EPB41L2: variants seen among roughly 807,000 people sequenced by gnomAD.
EPB41L2 encodes the protein erythrocyte membrane protein band 4.1 like 2, also known as band 4.1-like protein 2.
A neutral mutation model predicts 113.0 loss-of-function variants in EPB41L2; 43 were observed. The ratio of observed to expected loss-of-function variants is 0.38; its 90% CI spans 0.30 to 0.49. EPB41L2 has a LOEUF of 0.49. EPB41L2 is among the 20% of genes least tolerant of loss of function. The pLI, the probability that EPB41L2 is intolerant of heterozygous loss-of-function variation, is 0.95. For synonymous variants in EPB41L2, 442 were observed against 436.7 expected, an observed-to-expected ratio of 1.01 and a Z score of -0.15; for missense variants, 1,147 against 1,223.4, an observed-to-expected ratio of 0.94 and a Z score of 0.93.
intron 1 of EPB41L2, among the ~76,000 whole-genome samples, chr6:131,011,163 G>A (rs1786862357): frequency 1.3e-5 from 2 of 152,210 alleles, no homozygotes; most frequent in Non-Finnish European, 2.9e-5. Context: ...CAGGGAGTAA[G>A]TGCATAATCA....
chr6:131,033,208 C>T (rs1315778274), intron 1 of EPB41L2, among the ~76,000 whole-genome samples: 1 of 149,956 alleles, frequency 6.7e-6, no homozygotes, highest in Admixed American at 6.7e-5. Context: ...AAAAAAGAGA[C>T]AGAGAAAGAC....
intron 1 of EPB41L2, among the ~76,000 whole-genome samples, chr6:131,022,699 C>T (rs905037398): frequency 1.2e-4 from 18 of 152,166 alleles, no homozygotes; most frequent in African/African-American, 2.9e-4. Context: ...AAACTGTGCT[C>T]GCTGCTATCA....
chr6:130,928,201 T>C (rs567221824), intron 3 of EPB41L2, among the ~76,000 whole-genome samples: 2 of 149,768 alleles, frequency 1.3e-5, no homozygotes, highest in East Asian at 3.9e-4. Flanking sequence ...TGAGCATGTT[T>C]AAGATAGATA....
chr6:130,977,764 C>T (rs145215332), intron 1 of EPB41L2, among the ~76,000 whole-genome samples: 201 of 152,286 alleles, frequency 1.3e-3, no homozygotes, highest in Admixed American at 2.1e-3. Context: ...CAGTTAGCTA[C>T]ACGTATAACA....
At chr6:130,926,797 T>G in intron 3 of EPB41L2, 88 bp from the exon 4 acceptor site, 1 of 732,908 alleles carries the variant, frequency 1.4e-6, no homozygotes, top group South Asian at 1.9e-5. Flanking sequence ...ATACATGATT[T>G]ATTATAAATT....
intron 1 of EPB41L2, among the ~76,000 whole-genome samples, chr6:130,958,449 C>T (rs1818209496): frequency 7.9e-6 from 1 of 126,596 alleles, no homozygotes; most frequent in Non-Finnish European, 1.6e-5. Flanking sequence ...AAGACCCTGT[C>T]TCAAAACAAC....
intron 1 of EPB41L2, among the ~76,000 whole-genome samples, chr6:131,022,263 T>C (rs771024346): frequency 9.2e-5 from 14 of 152,118 alleles, no homozygotes; most frequent in East Asian, 5.8e-4. Context: ...CAGGAGGTAA[T>C]GGCCACCTAC....
intron 11 of EPB41L2, among the ~76,000 whole-genome samples, chr6:130,886,596 T>C (rs927512739): frequency 6.6e-6 from 1 of 151,608 alleles, no homozygotes; most frequent in African/African-American, 2.4e-5. Flanking sequence ...CATTTTACAT[T>C]AAGTATAGTT....
chr6:130,907,223 G>T (rs1006907709), intron 5 of EPB41L2, among the ~76,000 whole-genome samples: 6 of 152,178 alleles, frequency 3.9e-5, no homozygotes, highest in African/African-American at 9.7e-5. Flanking sequence ...GAAAGTGTAA[G>T]AACTAAGCAT....
At position 130,858,144 on chromosome 6, in the gene EPB41L2, C is replaced by T. The variant is rs200523569; in HGVS notation, c.3010G>A (p.Glu1004Lys). 8.0e-5 allele frequency: 129 copies of T among 1,613,612 alleles called. No individual in the cohort carries two copies. In the East Asian group the frequency reaches 2.9e-3, roughly 36 times the overall value. The change falls in exon 19 of 20, where the codon GAA (glutamate) becomes AAA (lysine). Residue 1004 changes from glutamate to lysine, a missense_variant. Glu to Lys is a moderately conservative substitution (Grantham distance 56, BLOSUM62 1). Coordinates refer to ENST00000337057, the MANE Select transcript of EPB41L2 (RefSeq NM_001431.4). Reference protein sequence around the residue: ...HKETELAEEGED With the variant: ...HKETELAEEGKD ...GGGCTCTCTTACCTTACTTAATCTT[C>T]CCCTTCCTCAGCCAACTCTGTTTCT...
chr6:130,890,749 G>A (rs1238090353), intron 10 of EPB41L2, among the ~76,000 whole-genome samples: 1 of 152,132 alleles, frequency 6.6e-6, no homozygotes, highest in Admixed American at 6.5e-5. Flanking sequence ...TTATTTATTT[G>A]TATTAGCTTA....
chr6:130,882,604 G>A (rs776907693), intron 12 of EPB41L2: 2 of 152,688 alleles, frequency 1.3e-5, no homozygotes, highest in African/African-American at 4.8e-5. Flanking sequence ...CCAGATAGCA[G>A]AGGGATAGAG....
intron 13 of EPB41L2, among the ~76,000 whole-genome samples, chr6:130,879,817 C>T (rs7775632): frequency 0.024 from 3,703 of 152,286 alleles, 157 homozygotes; most frequent in African/African-American, 0.083. Context: ...ATTGTGTTAC[C>T]TCAGGTTGAT....
intron 1 of EPB41L2, among the ~76,000 whole-genome samples, chr6:130,974,784 G>A (rs1312232684): frequency 1.6e-5 from 2 of 128,192 alleles, no homozygotes; most frequent in African/African-American, 3.0e-5. Context: ...GGAGTACAGT[G>A]GCGCGATCTC....
chr6:130,877,389 C>T (rs781700040), intron 14 of EPB41L2, among the ~76,000 whole-genome samples: 1 of 152,048 alleles, frequency 6.6e-6, no homozygotes, highest in Non-Finnish European at 1.5e-5. Flanking sequence ...TGGTCAATAA[C>T]AGGAGGGATT....
intron 1 of EPB41L2, among the ~76,000 whole-genome samples, chr6:130,983,078 T>C (rs1779746332): frequency 6.6e-6 from 1 of 152,192 alleles, no homozygotes; most frequent in Non-Finnish European, 1.5e-5. Context: ...CATTCCGGTG[T>C]CTCACATTTG....
chr6:130,939,134 T>C (rs1037776604), intron 3 of EPB41L2, among the ~76,000 whole-genome samples: 1 of 152,262 alleles, frequency 6.6e-6, no homozygotes, highest in Admixed American at 6.5e-5. Flanking sequence ...TCCCTCATGA[T>C]ATCACCAATG....
At chr6:130,933,860 T>C (rs574992503) in intron 3 of EPB41L2, among the ~76,000 whole-genome samples, 27 of 152,270 alleles carry the variant, frequency 1.8e-4, no homozygotes, top group Non-Finnish European at 3.5e-4. Flanking sequence ...CGGCAGATTG[T>C]AGTGAATGCC....
intron 1 of EPB41L2, among the ~76,000 whole-genome samples, chr6:130,976,055 C>CT (rs56674382): frequency 0.01 from 1,570 of 151,276 alleles, 36 homozygotes; most frequent in African/African-American, 0.037. Context: ...AAACAAAACT[C>CT]TTTTTTTTTA....
Sources: allele counts gnomAD v4.1 joint callset (sites outside exome capture counted in the v4.1 genomes callset), GRCh38; gene constraint gnomAD v4.1.1; transcripts MANE v1.5; gene names NCBI Gene and HGNC (gene_info 2026-07-23, HGNC 2026-07-21).